PLEKHA1: variants seen among roughly 807,000 people sequenced by gnomAD.
PLEKHA1 encodes pleckstrin homology domain containing A1.
A neutral mutation model predicts 52.0 loss-of-function variants in PLEKHA1; 34 were observed. The observed-to-expected ratio is 0.65, with a 90% CI of 0.50 to 0.87. The LOEUF (loss-of-function observed/expected upper bound fraction) is 0.87. Among genes scored for constraint, PLEKHA1 ranks in the 40% least tolerant of loss-of-function variants. The pLI is 0.00. For synonymous variants in PLEKHA1, 163 were observed against 170.7 expected, an observed-to-expected ratio of 0.95 and a Z score of 0.35; for missense variants, 497 against 504.2, an observed-to-expected ratio of 0.99 and a Z score of 0.14.
At chr10:122,428,228 C>T in intron 11 of PLEKHA1, 1 of 1,441,306 alleles carries the variant, frequency 6.9e-7, no homozygotes, top group Non-Finnish European at 9.2e-7. Context: ...TTTCCTCCCT[C>T]TACCCAGTAT....
intron 2 of PLEKHA1, among the ~76,000 whole-genome samples, chr10:122,395,657 C>T (rs1445164332): frequency 6.6e-6 from 1 of 152,028 alleles, no homozygotes; most frequent in Non-Finnish European, 1.5e-5. Context: ...CATGGTTATA[C>T]TGATCATAAT....
chr10:122,385,175 A>G (rs1434562143), intron 1 of PLEKHA1, among the ~76,000 whole-genome samples: 2 of 151,984 alleles, frequency 1.3e-5, no homozygotes, highest in Non-Finnish European at 2.9e-5. Flanking sequence ...TCTGCATTCC[A>G]TCCCTATAGA....
downstream of PLEKHA1, chr10:122,433,835 C>A (rs1167869023): frequency 6.6e-6 from 1 of 152,090 alleles, no homozygotes; most frequent in Non-Finnish European, 1.5e-5. Flanking sequence ...TCAGCACTTT[C>A]AAAAAGGAGA....
chr10:122,431,969 G>C lies in PLEKHA1; in HGVS notation c.*2031G>C, dbSNP rs1415212104. The C allele has an allele frequency of 6.6e-6, 1 of 152,032 alleles. No individual in the cohort carries two copies. The highest frequency in any genetic ancestry group is 1.9e-4 in the East Asian group (1 of 5,188). 9.4% of individuals were successfully genotyped at this position (152,032 alleles called of 1,614,324 possible). On this transcript the variant is annotated 3_prime_UTR_variant, in exon 12 of 12. Transcript: ENST00000368990. ...ATGTTCACTTTAGTATTTGCAATTT[G>C]ATATATTTCATGGTGGCAAAATATT...
downstream of PLEKHA1, chr10:122,433,428 C>G (rs553081114): frequency 1.6e-4 from 24 of 152,340 alleles, no homozygotes; most frequent in African/African-American, 5.5e-4. Flanking sequence ...AGGATCTGTG[C>G]CCAGGGTGTA....
intron 3 of PLEKHA1, among the ~76,000 whole-genome samples, chr10:122,398,524 A>AT (rs1188395920): frequency 6.6e-6 from 1 of 150,840 alleles, no homozygotes; most frequent in East Asian, 1.9e-4. Flanking sequence ...TGTCAGGTAC[A>AT]TTTTTTTCTT....
intron 1 of PLEKHA1, among the ~76,000 whole-genome samples, chr10:122,377,692 A>G (rs1222149905): frequency 6.6e-6 from 1 of 152,188 alleles, no homozygotes; most frequent in East Asian, 1.9e-4. Context: ...TCTTACACTT[A>G]CTGAGCAATA....
rs1290726950 is a variant in PLEKHA1 at position 122,389,715 on chromosome 10, A to AT, written c.-20-3457dup. Among the ~76,000 whole-genome samples the AT allele has an allele frequency of 4.0e-5, 6 of 151,348 alleles. No homozygotes were observed. The East Asian group carries it at 7.7e-4, about 20-fold the overall frequency. ...AGCAAGACTCCATCTCAAAAAAAAAATTTTTTTTTCAGTAAAACATGCTGT... is the reference window on the plus strand; with the variant it reads ...AGCAAGACTCCATCTCAAAAAAAAAATTTTTTTTTTCAGTAAAACATGCTGT... On this transcript the variant is annotated intron_variant, in intron 1 of 11. Coordinates refer to ENST00000368990, the MANE Select transcript of PLEKHA1 (RefSeq NM_001001974.4).
chr10:122,415,297 T>G (rs940005359), intron 6 of PLEKHA1, among the ~76,000 whole-genome samples: 4 of 152,136 alleles, frequency 2.6e-5, no homozygotes, highest in Non-Finnish European at 5.9e-5. Context: ...GCCAGGGGAT[T>G]TAGGGGTAGG....
rs1403566320 is a variant in PLEKHA1, at chr10:122,413,024, A to C, written c.447A>C (p.Val149=). 1.2e-6 allele frequency: 2 copies of C among 1,612,730 alleles called. No individual in the cohort carries two copies. The highest frequency in any genetic ancestry group is 1.7e-6 in the Non-Finnish European group (2 of 1,179,210). ...VSYRTDIVGG[V]PIITPTQKEE... ...ACAGAACTGATATTGTTGGTGGCGT[A>C]CCCATCATTACTCCCACTCAGGTAA... The change falls in exon 6 of 12, where the codon GTA becomes GTC. Residue 149 remains valine, a synonymous_variant. Transcript: ENST00000368990.
At chr10:122,394,157 C>T (rs1458235706) in intron 2 of PLEKHA1, among the ~76,000 whole-genome samples, 1 of 149,034 alleles carries the variant, frequency 6.7e-6, no homozygotes, top group East Asian at 2.0e-4. Flanking sequence ...TCACTGCAGC[C>T]TCTGCCTCCT....
intron 9 of PLEKHA1, 85 bp downstream of exon 9, chr10:122,424,348 C>T: frequency 1.4e-6 from 2 of 1,392,690 alleles, no homozygotes; most frequent in Non-Finnish European, 1.9e-6. Context: ...TTACAGATTA[C>T]ATTTTTCCAT....
intron 6 of PLEKHA1, among the ~76,000 whole-genome samples, chr10:122,413,681 A>T (rs149072744): frequency 0.019 from 2,876 of 152,256 alleles, 44 homozygotes; most frequent in Non-Finnish European, 0.03. Flanking sequence ...GAAAAATATA[A>T]ATTTACATAC....
Position 122,393,671 on chromosome 10 carries a change from A to C in PLEKHA1, c.141+330A>C, listed in dbSNP as rs1020581672. ...CAATTGAAGCTGTCCCAAAAATAAGAAATACTTTTTTTGTAACATGTATTT... is the reference window on the plus strand; with the variant it reads ...CAATTGAAGCTGTCCCAAAAATAAGCAATACTTTTTTTGTAACATGTATTT... On this transcript the variant is annotated intron_variant, in intron 2 of 11. Transcript: ENST00000368990. The surrounding 1 kb of genome is among the most constrained non-coding windows in gnomAD (Gnocchi z 4.5). 7.2e-5 allele frequency among the ~76,000 whole-genome samples: 11 copies of C among 152,200 alleles called. No individual in the cohort carries two copies. Among genetic ancestry groups the C allele is most frequent in the African/African-American group, 2.7e-4 (11 of 41,458 alleles).
downstream of PLEKHA1, chr10:122,433,735 G>A (rs1591004224): frequency 1.3e-5 from 2 of 152,208 alleles, no homozygotes; most frequent in African/African-American, 4.8e-5. Context: ...GGACCTTGAG[G>A]TTTGTGTCTG....
chr10:122,394,776 TTC>T (rs779305071), intron 2 of PLEKHA1, among the ~76,000 whole-genome samples: 10 of 152,200 alleles, frequency 6.6e-5, no homozygotes, highest in Admixed American at 1.3e-4. Context: ...TCCCTGATTT[TTC>T]TCTCTCTTCA....
At chr10:122,441,451 C>T in the PLEKHA1 span, 1 of 152,234 alleles carries the variant, frequency 6.6e-6, no homozygotes, top group African/African-American at 2.4e-5. Flanking sequence ...GCCTGGGCAA[C>T]AGAGTGAGAC....
At chr10:122,435,257 T>G (rs2097433931), downstream of PLEKHA1, 1 of 152,204 alleles carries the variant, frequency 6.6e-6, no homozygotes, top group Non-Finnish European at 1.5e-5. Flanking sequence ...TTTGTGTATG[T>G]TATCTATTTT....
intron 1 of PLEKHA1, among the ~76,000 whole-genome samples, chr10:122,391,669 T>A (rs1348103259): frequency 6.6e-6 from 1 of 152,188 alleles, no homozygotes; most frequent in African/African-American, 2.4e-5. Context: ...CATGGCAAGT[T>A]GATAGCTTTT....
Sources: gnomAD v4.1 joint callset for allele counts (sites outside exome capture counted in the v4.1 genomes callset) on GRCh38, gnomAD v4.1.1 for gene constraint, Gnocchi (gnomAD v3.1) non-coding constraint, MANE v1.5 for transcripts, NCBI Gene and HGNC (gene_info 2026-07-23, HGNC 2026-07-21) for gene names.